Variants in TMEM237 observed in about 807,000 individuals in gnomAD.
TMEM237 encodes the protein amyotrophic lateral sclerosis 2 (juvenile) chromosome region, candidate 4.
TMEM237 carries 51 observed loss-of-function variants against 59.1 expected under a neutral mutation model. The ratio of observed to expected loss-of-function variants is 0.86; its 90% CI spans 0.69 to 1.09. The LOEUF (loss-of-function observed/expected upper bound fraction) is 1.09. Ranked by LOEUF, TMEM237 falls within the 50% of genes least tolerant of loss-of-function variation. The pLI is 0.00. For synonymous variants in TMEM237, 140 were observed against 166.1 expected, an observed-to-expected ratio of 0.84 and a Z score of 1.21; for missense variants, 475 against 478.3, an observed-to-expected ratio of 0.99 and a Z score of 0.06.
intron 10 of TMEM237, among the ~76,000 whole-genome samples, chr2:201,627,733 A>C (rs768593817): frequency 6.6e-6 from 1 of 152,178 alleles, no homozygotes; most frequent in African/African-American, 2.4e-5. Flanking sequence ...TTAGAACAAA[A>C]TGCATTCCAA....
At chr2:201,642,776 G>T (rs961443479) in intron 1 of TMEM237, 1 of 1,430,544 alleles carries the variant, frequency 7.0e-7, no homozygotes, top group Middle Eastern at 2.0e-4. Flanking sequence ...GGATGTTGCG[G>T]TGAGAGGCGT....
chr2:201,640,984 T>C, intron 1 of TMEM237, 60 bp from the exon 2 acceptor site: 1 of 1,484,872 alleles, frequency 6.7e-7, no homozygotes, highest in Non-Finnish European at 9.2e-7. Flanking sequence ...TTACTTCAAA[T>C]ACCATCACGC....
chr2:201,633,290 G>GT (rs1559587736), intron 6 of TMEM237, 21 bp downstream of exon 6: 1 of 1,588,894 alleles, frequency 6.3e-7, no homozygotes, highest in Non-Finnish European at 8.6e-7. Context: ...AGAATAGTTA[G>GT]AAGAATAAAT....
rs1212232054 is a variant in TMEM237, at chr2:201,621,175, G to A, written c.*3080C>T. ...ACCAGACCTAACCTCCAGTCTATAG[G>A]AAATTCAGGAGATTGAGGAACAAAT... On this transcript the variant is annotated 3_prime_UTR_variant, in exon 13 of 13. Coordinates refer to ENST00000409883, the MANE Select transcript of TMEM237 (RefSeq NM_001044385.3). 19 of 152,090 alleles carry A rather than the reference G, an allele frequency of 1.2e-4. No individual in the cohort carries two copies. The highest frequency in any genetic ancestry group is 1.5e-5 in the Non-Finnish European group (1 of 68,014). The allele number at this position is 152,090 out of a possible 1,614,324, so 9.4% of individuals were successfully genotyped here. A position where few individuals can be genotyped will look rare whatever the true frequency, so the allele number is the denominator to read the frequency against.
chr2:201,624,364 C>T (rs937142052), intron 12 of TMEM237, 42 bp from the exon 13 acceptor site: 11 of 1,493,872 alleles, frequency 7.4e-6, no homozygotes, highest in South Asian at 1.2e-5. Flanking sequence ...AATTGTTTCC[C>T]AGTACCTCCA....
rs775313555 is a variant in TMEM237 at position 201,642,616 on chromosome 2, T to G, written c.42+743A>C. 8.1e-6 allele frequency: 13 copies of G among 1,608,928 alleles called. 1 individual carries two copies. In the Admixed American group the frequency reaches 2.0e-4, roughly 25 times the overall value. ...TAGCTAAGGCTCGCTTACCACAGGATTCTTCCCCATTCTGCGTTTAGCCGG... is the reference window on the plus strand; with the variant it reads ...TAGCTAAGGCTCGCTTACCACAGGAGTCTTCCCCATTCTGCGTTTAGCCGG... On this transcript the variant is annotated intron_variant, in intron 1 of 12. Transcript: ENST00000409883.
intron 12 of TMEM237, among the ~76,000 whole-genome samples, chr2:201,625,258 A>G: frequency 6.6e-6 from 1 of 152,058 alleles, no homozygotes; most frequent in East Asian, 1.9e-4. Flanking sequence ...GCTACTCGGG[A>G]GGCTGAGGCA....
intron 11 of TMEM237, among the ~76,000 whole-genome samples, chr2:201,626,994 C>T (rs188673806): frequency 7.6e-4 from 115 of 151,962 alleles, no homozygotes; most frequent in African/African-American, 2.6e-3. Flanking sequence ...ACTGCAGAAT[C>T]GCTTGAACCC....
Position 201,643,094 on chromosome 2 carries a change from C to G in TMEM237, c.42+265G>C. The G allele has an allele frequency of 9.9e-7, 1 of 1,011,126 alleles. No homozygotes were observed. 62.6% of individuals were successfully genotyped at this position (1,011,126 alleles called of 1,614,324 possible). ...GGCCCCGGGCCTCAGATGAGTGAGG[C>G]GTCGTCGTGGCAACGCGGGCTCAGG... On this transcript the variant is annotated intron_variant, in intron 1 of 12. Coordinates refer to ENST00000409883, the MANE Select transcript of TMEM237 (RefSeq NM_001044385.3). The surrounding 1 kb of genome is among the most constrained non-coding windows in gnomAD (Gnocchi z 4.3).
In TMEM237 at chr2:201,635,031, T is replaced by TTA. The variant is rs1174266755; in HGVS notation, c.275-1602_275-1601dup. 1 of 184,922 alleles carries TTA rather than the reference T, an allele frequency of 5.4e-6. No homozygotes were observed. The highest frequency in any genetic ancestry group is 1.3e-5 in the Non-Finnish European group (1 of 78,234). The allele number at this position is 184,922 out of a possible 1,614,324, so 11.5% of individuals were successfully genotyped here. A position where few individuals can be genotyped will look rare whatever the true frequency, so the allele number is the denominator to read the frequency against. On this transcript the variant is annotated intron_variant, in intron 5 of 12. Coordinates refer to ENST00000409883, the MANE Select transcript of TMEM237 (RefSeq NM_001044385.3). The surrounding 1 kb of genome is among the most constrained non-coding windows in gnomAD (Gnocchi z 4.5). Reference sequence around the variant, plus strand: ...CAACTCTTTGTCATTTTTCTAATTATTATAAAAGTCATAATGCTCAAAATA... The same window carrying TTA: ...CAACTCTTTGTCATTTTTCTAATTATTATATAAAAGTCATAATGCTCAAAATA...
At chr2:201,630,934 T>C (rs993441746) in intron 7 of TMEM237, 1 of 152,122 alleles carries the variant, frequency 6.6e-6, no homozygotes, top group Non-Finnish European at 1.5e-5. Flanking sequence ...AAAATCTAAA[T>C]TGTAAATTTT....
intron 1 of TMEM237, among the ~76,000 whole-genome samples, chr2:201,641,550 T>C (rs1356670896): frequency 2.0e-5 from 3 of 152,028 alleles, no homozygotes; most frequent in African/African-American, 4.8e-5. Flanking sequence ...TGGAGAGAAC[T>C]CTGCTCTTAT....
rs1406701022 is a variant in TMEM237, at chr2:201,620,441, TAAC to T, written c.*3811_*3813del. On this transcript the variant is annotated 3_prime_UTR_variant, in exon 13 of 13. Coordinates refer to ENST00000409883, the MANE Select transcript of TMEM237 (RefSeq NM_001044385.3). ...CTTGGCATATCCTTGTCAGCCTAAATAACAGAGAGGGAGACTCTCTGAAAGAAA... is the reference window on the plus strand; with the variant it reads ...CTTGGCATATCCTTGTCAGCCTAAATAGAGAGGGAGACTCTCTGAAAGAAA... The T allele has an allele frequency of 6.6e-6, 1 of 152,178 alleles. No individual in the cohort carries two copies. Among genetic ancestry groups the T allele is most frequent in the Non-Finnish European group, 1.5e-5 (1 of 68,040 alleles). The allele number at this position is 152,178 out of a possible 1,614,324, so 9.4% of individuals were successfully genotyped here.
In TMEM237 at chr2:201,636,735, T is replaced by C. The variant is rs1312897602; in HGVS notation, c.274+13A>G. On this transcript the variant is annotated intron_variant, in intron 5 of 12. Coordinates refer to ENST00000409883, the MANE Select transcript of TMEM237 (RefSeq NM_001044385.3). ...AAGTGCTATCACAACTTAACCTTGG[T>C]TTCTTCACATACCAAGAGGTAGCCT... 6.4e-7 allele frequency: 1 copy of C among 1,562,266 alleles called. No homozygotes were observed. The highest frequency in any genetic ancestry group is 8.7e-7 in the Non-Finnish European group (1 of 1,153,144).
intron 3 of TMEM237, 62 bp downstream of exon 3, chr2:201,640,198 CA>C: frequency 7.2e-7 from 1 of 1,392,114 alleles, no homozygotes; most frequent in Non-Finnish European, 9.6e-7. Flanking sequence ...TTAAGAGAAA[CA>C]AACCAAGGAA....
At position 201,640,921 on chromosome 2, in the gene TMEM237, G is replaced by C; in HGVS notation, c.46C>G (p.Pro16Ala). The C allele has an allele frequency of 6.2e-7, 1 of 1,602,710 alleles. No homozygotes were observed. The highest frequency in any genetic ancestry group is 1.1e-5 in the South Asian group (1 of 89,700). ...GGCACAGGTGGAAGAGCTCGTGGAG[G>C]ACGCTGTGGCGGAAAAAATAAATTT... is the stretch of plus-strand genomic sequence containing the variant. ...GARLEEGHLR[P>A]PRALPPVPSQ... The change falls in exon 2 of 13, where the codon CCT (proline) becomes GCT (alanine). Residue 16 changes from proline to alanine, a missense_variant. Pro to Ala is a conservative substitution (Grantham distance 27). Transcript: ENST00000409883.
chr2:201,637,634 C>T (rs1445511250), intron 4 of TMEM237, among the ~76,000 whole-genome samples: 1 of 151,564 alleles, frequency 6.6e-6, no homozygotes, highest in African/African-American at 2.4e-5. Flanking sequence ...GTCCCAGCTA[C>T]TCAAGGAGGC....
Position 201,629,780 on chromosome 2 carries a change from T to C in TMEM237, c.626A>G (p.Lys209Arg), listed in dbSNP as rs1440019257. The C allele has an allele frequency of 1.9e-6, 3 of 1,613,524 alleles. No homozygotes were observed. The highest frequency in any genetic ancestry group is 1.3e-5 in the African/African-American group (1 of 74,928). The change falls in exon 8 of 13, where the codon AAG becomes AGG. Residue 209 changes from lysine to arginine, a missense_variant. Coordinates refer to ENST00000409883, the MANE Select transcript of TMEM237 (RefSeq NM_001044385.3). ...TENIDVSMDVKPSWTTRDVAL... is the reference protein window; with the variant it reads ...TENIDVSMDVRPSWTTRDVAL... ...CACATCTCTGGTGGTCCAGGAAGGC[T>C]TCACGTCCATTGACACATCTATGTT...
At chr2:201,642,822 G>A in intron 1 of TMEM237, 1 of 1,349,936 alleles carries the variant, frequency 7.4e-7, no homozygotes, top group Non-Finnish European at 9.5e-7. Context: ...GACTAGCCCT[G>A]CCAAAAAGGG....
Sources: gnomAD v4.1 joint callset for allele counts (sites outside exome capture counted in the v4.1 genomes callset) on GRCh38, gnomAD v4.1.1 for gene constraint, Gnocchi (gnomAD v3.1) non-coding constraint, MANE v1.5 for transcripts, NCBI Gene and HGNC (gene_info 2026-07-23, HGNC 2026-07-21) for gene names.